The following FMN1 variants were observed in gnomAD, a reference collection of about 807,000 sequenced individuals.
FMN1 encodes the protein formin-1.
A neutral mutation model predicts 132.4 loss-of-function variants in FMN1; 110 were observed. That is an observed-to-expected ratio of 0.83 (90% confidence interval 0.71 to 0.97). FMN1 has a LOEUF of 0.97. Among genes scored for constraint, FMN1 ranks in the 50% least tolerant of loss-of-function variants. The pLI is 0.00. For missense variants in FMN1, 1,792 were observed against 1,705.3 expected, an observed-to-expected ratio of 1.05 and a Z score of -0.90; for synonymous variants, 722 against 651.7, an observed-to-expected ratio of 1.11 and a Z score of -1.64.
intron 5 of FMN1, chr15:33,066,794 T>G: frequency 6.2e-7 from 1 of 1,613,972 alleles, no homozygotes; most frequent in Non-Finnish European, 8.5e-7. Flanking sequence ...CCTGGGCGAC[T>G]CAGGGTCTGC....
At chr15:32,833,575 T>G (rs1596038491) in intron 17 of FMN1, among the ~76,000 whole-genome samples, 1 of 152,182 alleles carries the variant, frequency 6.6e-6, no homozygotes, top group Admixed American at 6.5e-5. Flanking sequence ...AAAAGTGTAA[T>G]GGACTTTGTT....
rs148849189 is a variant in FMN1 at position 32,798,270 on chromosome 15, G to A, written c.4130+534C>T. On this transcript the variant is annotated intron_variant, in intron 19 of 20. Transcript: ENST00000616417. Reference sequence around the variant, plus strand: ...TCTTCTACCCCCAGCTAATAAAATCGGGGGCTGCAACGAGGCTGAGCGGCA... The same window carrying A: ...TCTTCTACCCCCAGCTAATAAAATCAGGGGCTGCAACGAGGCTGAGCGGCA... Among the ~76,000 whole-genome samples the A allele has an allele frequency of 9.1e-3, 1,374 of 151,686 alleles. 20 individuals carry two copies. The highest frequency in any genetic ancestry group is 0.032 in the African/African-American group (1,303 of 41,264).
intron 17 of FMN1, among the ~76,000 whole-genome samples, chr15:32,833,698 A>G (rs2058557969): frequency 6.6e-6 from 1 of 152,216 alleles, no homozygotes; most frequent in Non-Finnish European, 1.5e-5. Context: ...CATTGAAAAT[A>G]CCACTTATGA....
rs540546877 is a variant in FMN1, at chr15:33,049,260, T to C, written c.2161+15697A>G. On this transcript the variant is annotated intron_variant, in intron 6 of 20. Coordinates refer to ENST00000616417, the MANE Select transcript of FMN1 (RefSeq NM_001277313.2). Reference sequence around the variant, plus strand: ...TTATGGGAGGCCCTTGTTTTGGACTTAGCTCATGCATTAGGCCCCAACAGA... The same window carrying C: ...TTATGGGAGGCCCTTGTTTTGGACTCAGCTCATGCATTAGGCCCCAACAGA... Among the ~76,000 whole-genome samples, 25 of 152,274 alleles carry C rather than the reference T, an allele frequency of 1.6e-4. 1 individual carries two copies. The highest frequency in any genetic ancestry group is 3.4e-3 in the Middle Eastern group (1 of 294).
intron 17 of FMN1, among the ~76,000 whole-genome samples, chr15:32,827,545 G>A (rs17816405): frequency 0.013 from 1,925 of 152,102 alleles, 16 homozygotes; most frequent in Non-Finnish European, 0.02. Flanking sequence ...TCTTTTTAAC[G>A]ACCCAATGAA....
At chr15:32,776,998 G>A (rs2056442105) in intron 19 of FMN1, 79 bp from the exon 20 acceptor site, 1 of 865,682 alleles carries the variant, frequency 1.2e-6, no homozygotes, top group Non-Finnish European at 1.8e-6. Context: ...AAAGAGTTAA[G>A]GCAGGTTAAA....
chr15:33,057,442 G>C (rs1029916142), intron 6 of FMN1, among the ~76,000 whole-genome samples: 17 of 152,204 alleles, frequency 1.1e-4, no homozygotes, highest in African/African-American at 4.1e-4. Flanking sequence ...TGGTGCTGCA[G>C]TTGAACTTCA....
intron 17 of FMN1, among the ~76,000 whole-genome samples, chr15:32,815,050 C>G (rs2058012313): frequency 6.6e-6 from 1 of 152,130 alleles, no homozygotes; most frequent in Non-Finnish European, 1.5e-5. Flanking sequence ...TCATCCCATT[C>G]TCCCGCCTCA....
chr15:33,098,893 C>T (rs1476873664), intron 4 of FMN1, among the ~76,000 whole-genome samples: 1 of 152,142 alleles, frequency 6.6e-6, no homozygotes, highest in Non-Finnish European at 1.5e-5. Flanking sequence ...TTGCTAGTTC[C>T]TCGGAAGCTC....
rs11852874 is a variant in FMN1, at chr15:32,946,203, C to T, written c.3138+17904G>A. Among the ~76,000 whole-genome samples the T allele has an allele frequency of 3.6e-3, 552 of 152,318 alleles. 4 individuals are homozygous for T. The highest frequency in any genetic ancestry group is 0.013 in the African/African-American group (535 of 41,564). On this transcript the variant is annotated intron_variant, in intron 9 of 20. Coordinates refer to ENST00000616417, the MANE Select transcript of FMN1 (RefSeq NM_001277313.2). Reference sequence around the variant, plus strand: ...TTCCCCCGTAATTAGTCTTATCCTCCTTCTTACTCTCATAGCACAGCTATC... The same window carrying T: ...TTCCCCCGTAATTAGTCTTATCCTCTTTCTTACTCTCATAGCACAGCTATC...
At chr15:32,780,317 A>G (rs2056622981) in intron 19 of FMN1, among the ~76,000 whole-genome samples, 1 of 152,204 alleles carries the variant, frequency 6.6e-6, no homozygotes, top group Non-Finnish European at 1.5e-5. Flanking sequence ...AGGTTGCAGT[A>G]AAGAAGCTGA....
chr15:32,988,153 G>C (rs972538811), intron 7 of FMN1, among the ~76,000 whole-genome samples: 20 of 150,060 alleles, frequency 1.3e-4, no homozygotes, highest in African/African-American at 4.4e-4. Context: ...GGTCACAGTA[G>C]GACATAGTCA....
intron 17 of FMN1, among the ~76,000 whole-genome samples, chr15:32,819,099 AG>A (rs2058136486): frequency 6.6e-6 from 1 of 152,200 alleles, no homozygotes; most frequent in Non-Finnish European, 1.5e-5. Context: ...AAGGCAGGCA[AG>A]GCGAGCTGAA....
chr15:33,171,173 A>T (rs1221002094), intron 3 of FMN1, among the ~76,000 whole-genome samples: 1 of 152,208 alleles, frequency 6.6e-6, no homozygotes, highest in Non-Finnish European at 1.5e-5. Context: ...AATTGATATC[A>T]TGTAAGTAGA....
chr15:32,821,331 T>C (rs995571013), intron 17 of FMN1, among the ~76,000 whole-genome samples: 1 of 152,066 alleles, frequency 6.6e-6, no homozygotes, highest in Non-Finnish European at 1.5e-5. Context: ...TTGCTGGCTA[T>C]TTACTTTTTC....
chr15:33,065,282 C>G (rs999111995), intron 5 of FMN1, among the ~76,000 whole-genome samples: 1 of 151,982 alleles, frequency 6.6e-6, no homozygotes, highest in African/African-American at 2.4e-5. Flanking sequence ...AAAACTACAA[C>G]AACAAAAAAA....
chr15:33,036,135 T>A lies in FMN1; in HGVS notation c.2162-28060A>T, dbSNP rs187709626. On this transcript the variant is annotated intron_variant, in intron 6 of 20. Coordinates refer to ENST00000616417, the MANE Select transcript of FMN1 (RefSeq NM_001277313.2). ...TTTATGAATTACTCAGAGTCAGGTA[T>A]CCTGTTATAAGCGACATACAACAGG... Among the ~76,000 whole-genome samples, 667 of 152,322 alleles carry A rather than the reference T, an allele frequency of 4.4e-3. 3 individuals are homozygous for A. Among genetic ancestry groups the A allele is most frequent in the Non-Finnish European group, 5.5e-3 (376 of 68,036 alleles).
intron 7 of FMN1, among the ~76,000 whole-genome samples, chr15:33,004,464 G>A (rs1304672634): frequency 6.6e-6 from 1 of 152,232 alleles, no homozygotes; most frequent in African/African-American, 2.4e-5. Flanking sequence ...GGCCATCAGA[G>A]AAATGCAAAG....
At chr15:33,122,146 C>T (rs1171165957) in intron 4 of FMN1, among the ~76,000 whole-genome samples, 4 of 152,186 alleles carry the variant, frequency 2.6e-5, no homozygotes, top group Admixed American at 2.0e-4. Context: ...CAAATTATCC[C>T]TTGTCCACGG....
Sources: allele counts gnomAD v4.1 joint callset (sites outside exome capture counted in the v4.1 genomes callset), GRCh38; gene constraint gnomAD v4.1.1; transcripts MANE v1.5; gene names NCBI Gene and HGNC (gene_info 2026-07-23, HGNC 2026-07-21).